Variants in MRTFA observed in about 807,000 individuals in gnomAD.
MRTFA encodes myocardin-related transcription factor A.
Under a neutral mutation model 83.5 loss-of-function variants are expected in MRTFA, and 20 were observed. The ratio of observed to expected loss-of-function variants is 0.24; its 90% CI spans 0.17 to 0.35. MRTFA has a LOEUF of 0.35. MRTFA is among the 10% of genes least tolerant of loss of function. MRTFA has a pLI of 1.00. For missense variants in MRTFA, 1,200 were observed against 1,224.7 expected, an observed-to-expected ratio of 0.98 and a Z score of 0.30; for synonymous variants, 659 against 541.2, an observed-to-expected ratio of 1.22 and a Z score of -3.02.
chr22:40,454,048 A>G (rs1022114352), intron 4 of MRTFA, among the ~76,000 whole-genome samples: 1 of 152,210 alleles, frequency 6.6e-6, no homozygotes, highest in Admixed American at 6.5e-5. Flanking sequence ...TTGATTTCTA[A>G]CAATTTATAG....
chr22:40,424,495 C>T (rs988584391), intron 7 of MRTFA, 114 bp from the exon 8 acceptor site: 33 of 1,139,822 alleles, frequency 2.9e-5, no homozygotes, highest in Middle Eastern at 4.8e-4. Flanking sequence ...CCACATGCCC[C>T]GTGAGGCAGG....
intron 3 of MRTFA, among the ~76,000 whole-genome samples, chr22:40,465,314 A>G (rs1364206948): frequency 2.6e-5 from 4 of 152,214 alleles, no homozygotes; most frequent in African/African-American, 7.2e-5. Flanking sequence ...GCATTCAACA[A>G]TGGTTTCTTG....
chr22:40,512,733 G>A (rs1327536891), intron 3 of MRTFA, among the ~76,000 whole-genome samples: 1 of 152,238 alleles, frequency 6.6e-6, no homozygotes, highest in African/African-American at 2.4e-5. Context: ...TGGAGCTGAT[G>A]TAATGTTGGC....
At chr22:40,540,945 C>CA (rs879382082) in intron 3 of MRTFA, among the ~76,000 whole-genome samples, 1,621 of 150,602 alleles carry the variant, frequency 0.011, 34 homozygotes, top group Middle Eastern at 0.079. Flanking sequence ...AAGTTCATAA[C>CA]AAAAAAAAAT....
chr22:40,472,448 C>T (rs2053930712), intron 3 of MRTFA, among the ~76,000 whole-genome samples: 1 of 152,150 alleles, frequency 6.6e-6, no homozygotes, highest in Admixed American at 6.5e-5. Context: ...GGCACATCAT[C>T]TTTTGCTGTG....
At position 40,411,841 on chromosome 22, in the gene MRTFA, A is replaced by G. The variant is rs763649046; in HGVS notation, c.2645T>C (p.Val882Ala). 6 of 1,507,852 alleles carry G rather than the reference A, an allele frequency of 4.0e-6. No individual in the cohort carries two copies. The highest frequency in any genetic ancestry group is 5.3e-6 in the Non-Finnish European group (6 of 1,126,346). 93.4% of individuals were successfully genotyped at this position (1,507,852 alleles called of 1,614,324 possible). A position where few individuals can be genotyped will look rare whatever the true frequency, so the allele number is the denominator to read the frequency against. The change falls in exon 15 of 15, where the codon GTC (valine) becomes GCC (alanine). Residue 882 changes from valine to alanine, a missense_variant. Coordinates refer to ENST00000355630, the MANE Select transcript of MRTFA (RefSeq NM_020831.6). ...CTGTGCTGCCAGGGGGGACCCACAG[A>G]CTGTCTTCGGGGATGGCTTCTCCTT...
At chr22:40,554,439 T>C (rs371929745) in intron 2 of MRTFA, among the ~76,000 whole-genome samples, 2 of 152,292 alleles carry the variant, frequency 1.3e-5, no homozygotes, top group Middle Eastern at 3.4e-3. Flanking sequence ...GTTCTCATGA[T>C]AGTGAGTGAG....
chr22:40,411,373 C>A lies in MRTFA; in HGVS notation c.*17G>T, dbSNP rs776692220. The A allele has an allele frequency of 1.3e-5, 20 of 1,536,014 alleles. No individual in the cohort carries two copies. The Middle Eastern group carries it at 3.2e-3, about 245-fold the overall frequency. On this transcript the variant is annotated 3_prime_UTR_variant, in exon 15 of 15. Coordinates refer to ENST00000355630, the MANE Select transcript of MRTFA (RefSeq NM_020831.6). ...CTGGCTCCCAGCCCCTTCCCCACCC[C>A]GTCTTGAGCCAGAGAGCTACAAGCA...
intron 3 of MRTFA, chr22:40,522,524 T>C (rs1483322691): frequency 1.3e-5 from 2 of 152,310 alleles, no homozygotes; most frequent in African/African-American, 4.8e-5. Flanking sequence ...TTGTGCAGGA[T>C]GGTTGTTTTG....
At chr22:40,465,017 G>T (rs1052789776) in intron 3 of MRTFA, among the ~76,000 whole-genome samples, 6 of 152,004 alleles carry the variant, frequency 3.9e-5, no homozygotes, top group African/African-American at 1.5e-4. Context: ...ATCAAGCCTG[G>T]CCAGTTACTC....
chr22:40,566,824 C>CTCCG (rs892428306), intron 2 of MRTFA, among the ~76,000 whole-genome samples: 1 of 152,176 alleles, frequency 6.6e-6, no homozygotes, highest in African/African-American at 2.4e-5. Flanking sequence ...CAGAGCAAGA[C>CTCCG]TCCGTCTCAA....
chr22:40,570,533 G>C (rs779043142), intron 2 of MRTFA, among the ~76,000 whole-genome samples: 1 of 139,084 alleles, frequency 7.2e-6, no homozygotes, highest in East Asian at 2.2e-4. Flanking sequence ...AGCTGGGATC[G>C]TGCCACTGCA....
rs1415477811 is a variant in MRTFA, at chr22:40,594,681, A to T, written c.-29T>A. 1 of 152,218 alleles carries T rather than the reference A, an allele frequency of 6.6e-6. No homozygotes were observed. Among genetic ancestry groups the T allele is most frequent in the Non-Finnish European group, 1.5e-5 (1 of 68,044 alleles). 9.4% of individuals were successfully genotyped at this position (152,218 alleles called of 1,614,324 possible). A position where few individuals can be genotyped will look rare whatever the true frequency, so the allele number is the denominator to read the frequency against. ...AATAAATCTGGGACCTACCTTGCTT[A>T]CAATTCCCACAGACAGATGAAATTC... On this transcript the variant is annotated 5_prime_UTR_variant, in exon 2 of 15. An upstream open reading frame in the 5' UTR loses its in-frame stop. Transcript: ENST00000355630.
chr22:40,584,875 C>T (rs539077406), intron 2 of MRTFA, among the ~76,000 whole-genome samples: 23 of 151,978 alleles, frequency 1.5e-4, no homozygotes, highest in Admixed American at 1.4e-3. Flanking sequence ...GAAACCCCAT[C>T]TCTACTAAAA....
chr22:40,477,553 C>T (rs2054019418), intron 3 of MRTFA, among the ~76,000 whole-genome samples: 2 of 152,028 alleles, frequency 1.3e-5, no homozygotes, highest in South Asian at 4.1e-4. Flanking sequence ...CAAAAGACCA[C>T]AATGTACATG....
intron 2 of MRTFA, among the ~76,000 whole-genome samples, chr22:40,570,945 T>G (rs1469112081): frequency 8.8e-5 from 13 of 148,476 alleles, no homozygotes; most frequent in African/African-American, 3.2e-4. Flanking sequence ...ATCCTAGCAT[T>G]TTGGGAGGCC....
chr22:40,447,789 G>A (rs1259015403), intron 4 of MRTFA, among the ~76,000 whole-genome samples: 1 of 152,170 alleles, frequency 6.6e-6, no homozygotes, highest in Non-Finnish European at 1.5e-5. Flanking sequence ...TGACTTTCCT[G>A]AGATCACATC....
At chr22:40,494,311 G>C (rs1410063176) in intron 3 of MRTFA, among the ~76,000 whole-genome samples, 1 of 152,038 alleles carries the variant, frequency 6.6e-6, no homozygotes, top group East Asian at 1.9e-4. Context: ...AAAAAAAAGA[G>C]CTATATGTGA....
intron 4 of MRTFA, among the ~76,000 whole-genome samples, chr22:40,450,780 T>A (rs775207553): frequency 6.6e-6 from 1 of 152,188 alleles, no homozygotes; most frequent in African/African-American, 2.4e-5. Context: ...AAAGATTTTT[T>A]AAAGTTGAAA....
Sources: gnomAD v4.1 joint callset for allele counts (sites outside exome capture counted in the v4.1 genomes callset) on GRCh38, gnomAD v4.1.1 for gene constraint, MANE v1.5 for transcripts, NCBI Gene and HGNC (gene_info 2026-07-23, HGNC 2026-07-21) for gene names.